NEGR1: variants seen among roughly 807,000 people sequenced by gnomAD.
The protein encoded by NEGR1 is neuronal growth regulator 1.
Under a neutral mutation model 40.9 loss-of-function variants are expected in NEGR1, and 10 were observed. The observed-to-expected ratio is 0.24, with a 90% confidence interval of 0.15 to 0.42. NEGR1 has a LOEUF of 0.42. Ranked by LOEUF, NEGR1 falls within the 10% of genes least tolerant of loss-of-function variation. NEGR1 has a pLI of 1.00. For missense variants in NEGR1, 352 were observed against 438.9 expected, an observed-to-expected ratio of 0.80 and a Z score of 1.77; for synonymous variants, 185 against 166.8, an observed-to-expected ratio of 1.11 and a Z score of -0.84.
intron 1 of NEGR1, among the ~76,000 whole-genome samples, chr1:72,029,183 T>A (rs1425479548): frequency 6.6e-6 from 1 of 152,138 alleles, no homozygotes; most frequent in Non-Finnish European, 1.5e-5. Flanking sequence ...AAGGCATTTA[T>A]TCAGAGGTAG....
At chr1:71,662,916 C>T (rs1652113973) in intron 4 of NEGR1, among the ~76,000 whole-genome samples, 1 of 151,662 alleles carries the variant, frequency 6.6e-6, no homozygotes. Context: ...TACCCACTCT[C>T]TGGAATTAAT....
At chr1:72,233,148 A>G (rs1014852084) in intron 1 of NEGR1, among the ~76,000 whole-genome samples, 3 of 152,204 alleles carry the variant, frequency 2.0e-5, no homozygotes, top group African/African-American at 7.2e-5. Context: ...AAAACACACA[A>G]TAAGAAAACA....
At chr1:71,521,035 C>T (rs1172139351) in intron 6 of NEGR1, among the ~76,000 whole-genome samples, 1 of 152,022 alleles carries the variant, frequency 6.6e-6, no homozygotes, top group East Asian at 1.9e-4. Flanking sequence ...TGACTTGTCA[C>T]TCTAGGGAAT....
At chr1:72,133,185 A>G (rs941640781) in intron 1 of NEGR1, among the ~76,000 whole-genome samples, 3 of 152,116 alleles carry the variant, frequency 2.0e-5, no homozygotes, top group Admixed American at 6.6e-5. Flanking sequence ...GTACTGATGT[A>G]ATATATGTAG....
chr1:72,216,371 T>TTATATATATATACATATA (rs199701310), intron 1 of NEGR1, among the ~76,000 whole-genome samples: 50 of 115,704 alleles, frequency 4.3e-4, no homozygotes, highest in Non-Finnish European at 7.9e-4. Flanking sequence ...AACTTGGAAG[T>TTATATATATATACATATA]TATATATATA....
chr1:71,785,227 C>T (rs573258654), intron 2 of NEGR1, among the ~76,000 whole-genome samples: 4 of 152,266 alleles, frequency 2.6e-5, no homozygotes, highest in South Asian at 2.1e-4. Flanking sequence ...CACTTATTGT[C>T]GTGCTGTATA....
intron 4 of NEGR1, among the ~76,000 whole-genome samples, chr1:71,694,436 T>C (rs933631816): frequency 6.6e-6 from 1 of 151,778 alleles, no homozygotes; most frequent in Non-Finnish European, 1.5e-5. Flanking sequence ...AAATAACCCA[T>C]TGCATTAATG....
chr1:71,799,345 T>C (rs1452670851), intron 2 of NEGR1, among the ~76,000 whole-genome samples: 2 of 152,228 alleles, frequency 1.3e-5, no homozygotes, highest in African/African-American at 4.8e-5. Context: ...GTTTCCAGCT[T>C]CATCCATGTT....
intron 1 of NEGR1, among the ~76,000 whole-genome samples, chr1:71,972,087 G>C (rs1646261131): frequency 6.6e-6 from 1 of 152,142 alleles, no homozygotes. Context: ...TAATCACTTG[G>C]AGTAGTGATA....
At chr1:71,744,284 CAT>C (rs147978120) in intron 3 of NEGR1, among the ~76,000 whole-genome samples, 2,959 of 137,098 alleles carry the variant, frequency 0.022, 105 homozygotes, top group African/African-American at 0.068. Context: ...TGACAAATAA[CAT>C]ATATATATAT....
In NEGR1 at chr1:71,538,317, T is replaced by C. The variant is rs143892849; in HGVS notation, c.940+54500A>G. On this transcript the variant is annotated intron_variant, in intron 6 of 6. Coordinates refer to ENST00000357731, the MANE Select transcript of NEGR1 (RefSeq NM_173808.3). ...GTTCAGTATCAAAACACTTCATTTC[T>C]ATGTATTTTGGAAGGTTACATTTGG... Among the ~76,000 whole-genome samples, 156 of 151,894 alleles carry C rather than the reference T, an allele frequency of 1.0e-3. 1 individual carries two copies. The highest frequency in any genetic ancestry group is 2.7e-3 in the South Asian group (13 of 4,824).
chr1:71,514,362 C>T (rs1156470580), intron 6 of NEGR1, among the ~76,000 whole-genome samples: 13 of 78,274 alleles, frequency 1.7e-4, no homozygotes, highest in African/African-American at 6.2e-4. Context: ...TCTCCCAGCA[C>T]GCAGCTGGAG....
intron 2 of NEGR1, among the ~76,000 whole-genome samples, chr1:71,792,874 T>C (rs868154985): frequency 1.7e-4 from 26 of 152,040 alleles, no homozygotes; most frequent in African/African-American, 5.6e-4. Context: ...TAGAGAAATA[T>C]CTTATTTCTT....
rs567528028 is a variant in NEGR1, at chr1:72,144,750, C to T, written c.176+137569G>A. Among the ~76,000 whole-genome samples the T allele has an allele frequency of 5.9e-5, 9 of 152,154 alleles. No individual in the cohort carries two copies. In the South Asian group the frequency reaches 1.9e-3, roughly 32 times the overall value. ...GTGTGGAACAGGGTCTAGTGGAACTCCATACTTCAAAGGGAGAAATCTGTC... is the reference window on the plus strand; with the variant it reads ...GTGTGGAACAGGGTCTAGTGGAACTTCATACTTCAAAGGGAGAAATCTGTC... On this transcript the variant is annotated intron_variant, in intron 1 of 6. Coordinates refer to ENST00000357731, the MANE Select transcript of NEGR1 (RefSeq NM_173808.3).
chr1:71,597,264 G>A (rs906967534), intron 5 of NEGR1, among the ~76,000 whole-genome samples: 1 of 151,964 alleles, frequency 6.6e-6, no homozygotes, highest in East Asian at 1.9e-4. Flanking sequence ...TGCTGAAAGA[G>A]AGTTAGGAAC....
chr1:72,049,619 CTG>C (rs1647038383), intron 1 of NEGR1, among the ~76,000 whole-genome samples: 1 of 151,586 alleles, frequency 6.6e-6, no homozygotes, highest in Admixed American at 6.6e-5. Flanking sequence ...GCTCATTCCT[CTG>C]TGTTTCCCAT....
intron 1 of NEGR1, among the ~76,000 whole-genome samples, chr1:72,207,990 A>G (rs1387517315): frequency 6.6e-6 from 1 of 151,750 alleles, no homozygotes; most frequent in Non-Finnish European, 1.5e-5. Flanking sequence ...AAAGTGAACT[A>G]TAAGTAAACT....
chr1:72,189,934 T>C (rs1570100341), intron 1 of NEGR1, among the ~76,000 whole-genome samples: 1 of 151,728 alleles, frequency 6.6e-6, no homozygotes, highest in African/African-American at 2.4e-5. Context: ...AGTGGTAAAA[T>C]GTACCGTGAA....
chr1:72,279,514 G>A (rs1241286777), intron 1 of NEGR1, among the ~76,000 whole-genome samples: 1 of 152,148 alleles, frequency 6.6e-6, no homozygotes, highest in Admixed American at 6.5e-5. Context: ...TGAATGATAT[G>A]TAATTTGGTT....
Sources: allele counts gnomAD v4.1 joint callset (sites outside exome capture counted in the v4.1 genomes callset), GRCh38; gene constraint gnomAD v4.1.1; transcripts MANE v1.5; gene names NCBI Gene and HGNC (gene_info 2026-07-23, HGNC 2026-07-21).